The following ZNF516 variants were observed in gnomAD, a reference collection of about 807,000 sequenced individuals.
ZNF516 encodes zinc finger protein 516.
In ZNF516, 19 loss-of-function variants were observed where a neutral mutation model predicts 79.7. That is an observed-to-expected ratio of 0.24 (90% CI 0.17 to 0.35). ZNF516 has a LOEUF of 0.35. Ranked by LOEUF, ZNF516 falls within the 10% of genes least tolerant of loss-of-function variation. The probability of loss-of-function intolerance (pLI) is 1.00; values close to 1 mark genes in which losing one functional copy is unlikely to be tolerated. For missense variants in ZNF516, 1,678 were observed against 1,679.5 expected (o/e 1.00, Z 0.02); for synonymous variants, 877 against 739.5 (o/e 1.19, Z -3.02).
Position 76,362,565 on chromosome 18 carries a change from A to AG in ZNF516, c.3433-9dup. ...GTTAGAATGGTCTCTCCCCTGGGTG[A>AG]GAAAAAGGAAAGAACAGGAGAAAAG... On this transcript the variant is annotated splice_polypyrimidine_tract_variant and intron_variant, in intron 6 of 6. Transcript: ENST00000443185. The AG allele has an allele frequency of 6.2e-7, 1 of 1,606,812 alleles. No homozygotes were observed. Among genetic ancestry groups the AG allele is most frequent in the Non-Finnish European group, 8.5e-7 (1 of 1,173,986 alleles).
intron 3 of ZNF516, among the ~76,000 whole-genome samples, chr18:76,430,711 T>C (rs761588031): frequency 2.0e-5 from 3 of 152,214 alleles, no homozygotes; most frequent in Non-Finnish European, 4.4e-5. Context: ...AGTAATTGTA[T>C]TAAATTTGGA....
intron 1 of ZNF516, among the ~76,000 whole-genome samples, chr18:76,464,490 G>C (rs1275727713): frequency 1.3e-5 from 2 of 152,252 alleles, no homozygotes; most frequent in African/African-American, 4.8e-5. Context: ...TGGAGACAAA[G>C]GTGCAGAGCC....
At chr18:76,458,653 C>CGTGTGCGTGCCTCACCGTCGTGT (rs1912885522) in intron 2 of ZNF516, among the ~76,000 whole-genome samples, 5 of 126,928 alleles carry the variant, frequency 3.9e-5, no homozygotes. Flanking sequence ...CACCGTCGTG[C>CGTGTGCGTGCCTCACCGTCGTGT]GTGTGCGTGC....
intron 3 of ZNF516, among the ~76,000 whole-genome samples, chr18:76,399,622 C>A (rs564207951): frequency 1.3e-5 from 2 of 152,356 alleles, no homozygotes; most frequent in African/African-American, 4.8e-5. Context: ...AGCCTGGGTG[C>A]GTTCTAAGCG....
chr18:76,442,610 C>A lies in ZNF516; in HGVS notation c.445G>T (p.Gly149Cys), dbSNP rs1342621589. 6.3e-7 allele frequency: 1 copy of A among 1,596,930 alleles called. No individual in the cohort carries two copies. The highest frequency in any genetic ancestry group is 1.3e-5 in the African/African-American group (1 of 74,874). Reference protein sequence around the residue: ...VLNGASQADSGRVLLRSSKKG... With the variant: ...VLNGASQADSCRVLLRSSKKG... Reference sequence around the variant, plus strand: ...TTGCTGCTCCGCAGCAGGACTCTGCCGCTGTCGGCCTGCGAGGCCCCGTTC... The same window carrying A: ...TTGCTGCTCCGCAGCAGGACTCTGCAGCTGTCGGCCTGCGAGGCCCCGTTC... The change falls in exon 3 of 7, where the codon GGC (glycine) becomes TGC (cysteine). Residue 149 changes from glycine to cysteine, a missense_variant. Around this residue, in one of 5 missense-constraint regions of ZNF516, gnomAD observed 279 missense variants for 254.1 expected, o/e 1.10. Coordinates refer to ENST00000443185, the MANE Select transcript of ZNF516 (RefSeq NM_014643.4).
chr18:76,482,105 A>G (rs935654566), intron 1 of ZNF516, among the ~76,000 whole-genome samples: 2 of 152,248 alleles, frequency 1.3e-5, no homozygotes, highest in African/African-American at 4.8e-5. Flanking sequence ...GCTAATGCTA[A>G]AAGAAGCTTT....
chr18:76,441,925 G>A lies in ZNF516; in HGVS notation c.1130C>T (p.Ser377Leu), dbSNP rs367746354. Residue 377 changes from serine (S) to leucine (L), a missense_variant, in exon 3 of 7, where the codon TCG becomes TTG. By Grantham distance (145) the Ser-to-Leu change is moderately radical. Coordinates refer to ENST00000443185, the MANE Select transcript of ZNF516 (RefSeq NM_014643.4). ...APAEEGAEGP[S>L]DTKQFFLQCL... is the part of the protein sequence containing the mutation. ...CTGGAGGAAGAACTGCTTGGTGTCC[G>A]AGGGCCCCTCCGCCCCCTCCTCGGC... 9 of 1,607,208 alleles carry A rather than the reference G, an allele frequency of 5.6e-6. No homozygotes were observed. The highest frequency in any genetic ancestry group is 1.7e-4 in the Middle Eastern group (1 of 6,050).
chr18:76,454,229 A>G (rs953572892), intron 2 of ZNF516, among the ~76,000 whole-genome samples: 3 of 152,270 alleles, frequency 2.0e-5, no homozygotes, highest in African/African-American at 7.2e-5. Context: ...ATAGAGGAAA[A>G]ACAAACACGT....
rs376580390 is a variant in ZNF516 at position 76,374,356 on chromosome 18, T to C, written c.3260-2785A>G. Among the ~76,000 whole-genome samples, 45 of 152,372 alleles carry C rather than the reference T, an allele frequency of 3.0e-4. No homozygotes were observed. In the South Asian group the frequency reaches 9.1e-3, roughly 31 times the overall value. ...TTTATGTTCTATTCCTGTATGTTTA[T>C]AGACTTGGTAGTCACACTGTACAAT... On this transcript the variant is annotated intron_variant, in intron 4 of 6. Transcript: ENST00000443185.
chr18:76,492,489 A>T (rs141228532), intron 1 of ZNF516: 1 of 522,130 alleles, frequency 1.9e-6, no homozygotes, highest in Non-Finnish European at 2.5e-6. Context: ...AGAATTTGCC[A>T]GGGACTAGGC....
intron 2 of ZNF516, among the ~76,000 whole-genome samples, chr18:76,455,729 T>G (rs1476311644): frequency 6.6e-6 from 1 of 152,214 alleles, no homozygotes; most frequent in Non-Finnish European, 1.5e-5. Flanking sequence ...GCACGTGAGA[T>G]GCGCCAATGC....
chr18:76,366,875 G>A (rs781566491), intron 6 of ZNF516, among the ~76,000 whole-genome samples: 3 of 152,168 alleles, frequency 2.0e-5, no homozygotes, highest in Non-Finnish European at 4.4e-5. Context: ...GTCTATGGTA[G>A]AGGATCAAAG....
intron 1 of ZNF516, among the ~76,000 whole-genome samples, chr18:76,474,306 C>T (rs1007886090): frequency 2.0e-5 from 3 of 152,178 alleles, no homozygotes; most frequent in Non-Finnish European, 4.4e-5. Flanking sequence ...GGCAATAGAA[C>T]ATCAAATGCC....
intron 2 of ZNF516, among the ~76,000 whole-genome samples, chr18:76,457,106 A>G (rs1803471882): frequency 1.3e-5 from 2 of 152,226 alleles, no homozygotes; most frequent in South Asian, 4.1e-4. Context: ...CAGTGAACAA[A>G]AAGACATTCC....
intron 3 of ZNF516, among the ~76,000 whole-genome samples, chr18:76,406,707 A>C (rs1249518355): frequency 6.6e-6 from 1 of 152,208 alleles, no homozygotes; most frequent in Non-Finnish European, 1.5e-5. Context: ...GGCTTTCGCC[A>C]ACACGTTCCT....
intron 1 of ZNF516, among the ~76,000 whole-genome samples, chr18:76,494,812 A>G (rs1226240758): frequency 2.0e-5 from 3 of 150,552 alleles, no homozygotes; most frequent in Non-Finnish European, 3.0e-5. Flanking sequence ...CAAAGTGTAC[A>G]AAGCCAGAGC....
intron 3 of ZNF516, among the ~76,000 whole-genome samples, chr18:76,440,507 T>A (rs1439163964): frequency 6.6e-6 from 1 of 152,106 alleles, no homozygotes. Flanking sequence ...AAGCAAAAAA[T>A]AATAAAAGAA....
chr18:76,377,626 A>C (rs1398892939), intron 4 of ZNF516, among the ~76,000 whole-genome samples: 4 of 152,112 alleles, frequency 2.6e-5, no homozygotes, highest in African/African-American at 9.7e-5. Context: ...CATGCCCCTG[A>C]CAGTCCTGCC....
At chr18:76,475,529 G>A (rs548015212) in intron 1 of ZNF516, among the ~76,000 whole-genome samples, 3 of 152,272 alleles carry the variant, frequency 2.0e-5, no homozygotes, top group Non-Finnish European at 4.4e-5. Context: ...GCACAAACTC[G>A]TATATTAGTA....
Sources: allele counts gnomAD v4.1 joint callset (sites outside exome capture counted in the v4.1 genomes callset), GRCh38; gene constraint gnomAD v4.1.1; regional missense constraint gnomAD v4.1.1; transcripts MANE v1.5; gene names NCBI Gene and HGNC (gene_info 2026-07-23, HGNC 2026-07-21).